Variants in DACH1 observed in about 807,000 individuals in gnomAD.
DACH1 encodes the protein dachshund homolog 1.
In DACH1, 12 loss-of-function variants were observed where a neutral mutation model predicts 54.2. The ratio of observed to expected loss-of-function variants is 0.22; its 90% CI spans 0.14 to 0.36. DACH1 has a LOEUF of 0.36. Ranked by LOEUF, DACH1 falls within the 10% of genes least tolerant of loss-of-function variation. DACH1 has a pLI of 1.00. For missense variants in DACH1, 805 were observed against 929.8 expected (o/e 0.87, Z 1.75); for synonymous variants, 386 against 366.2 (o/e 1.05, Z -0.62).
At position 71,675,038 on chromosome 13, in the gene DACH1, G is replaced by T. The variant is rs529689314; in HGVS notation, c.964+6757C>A. The T allele has an allele frequency of 4.4e-5, 38 of 859,938 alleles. No homozygotes were observed. The Middle Eastern group carries it at 7.5e-4, about 17-fold the overall frequency. 53.3% of individuals were successfully genotyped at this position (859,938 alleles called of 1,614,324 possible). ...CGCCGAGCTCCAGCCGAAGAGAAGG[G>T]GGGTAAGTAAGGAGGTCTCTGTACC... On this transcript the variant is annotated intron_variant, in intron 2 of 10. Transcript: ENST00000613252.
intron 1 of DACH1, among the ~76,000 whole-genome samples, chr13:71,861,060 G>A (rs1874316866): frequency 6.6e-6 from 1 of 151,800 alleles, no homozygotes; most frequent in East Asian, 1.9e-4. Context: ...GGGGGATGCA[G>A]TGAGGCAAAA....
At chr13:71,859,323 C>A (rs1874204622) in intron 1 of DACH1, among the ~76,000 whole-genome samples, 1 of 151,702 alleles carries the variant, frequency 6.6e-6, no homozygotes, top group Non-Finnish European at 1.5e-5. Flanking sequence ...TAAAGGAAAT[C>A]TATGTCCGAA....
At chr13:71,492,747 G>A (rs1439584420) in intron 6 of DACH1, among the ~76,000 whole-genome samples, 2 of 151,266 alleles carry the variant, frequency 1.3e-5, no homozygotes, top group East Asian at 3.9e-4. Flanking sequence ...GTGTGAGTGT[G>A]TGTGTGTGTG....
At chr13:71,499,090 C>T (rs1210823678) in intron 6 of DACH1, among the ~76,000 whole-genome samples, 2 of 149,730 alleles carry the variant, frequency 1.3e-5, no homozygotes, top group Non-Finnish European at 3.0e-5. Context: ...AAGCATTAAA[C>T]ACACACACAT....
At chr13:71,675,093 A>G in intron 2 of DACH1, 4 of 1,560,832 alleles carry the variant, frequency 2.6e-6, no homozygotes, top group Non-Finnish European at 3.5e-6. Context: ...CTGCCCGCAA[A>G]TCGACCGGTG....
rs556260244 is a variant in DACH1 at position 71,440,573 on chromosome 13, T to C, written c.*82A>G. On this transcript the variant is annotated 3_prime_UTR_variant, in exon 11 of 11. Transcript: ENST00000613252. ...TCAGGAAGTTCCCTTAAAAGGACTT[T>C]ATTTTTTTCTGAACTTTCCCATGAC... 1.1e-4 allele frequency: 130 copies of C among 1,141,920 alleles called. No homozygotes were observed. The highest frequency in any genetic ancestry group is 1.5e-4 in the Non-Finnish European group (117 of 785,874). 70.7% of individuals were successfully genotyped at this position (1,141,920 alleles called of 1,614,324 possible).
Position 71,598,077 on chromosome 13 carries a change from C to CAA in DACH1, c.1127-25067_1127-25066dup, listed in dbSNP as rs112426536. The stretch of plus-strand genomic sequence containing the variant: ...TCTGGGCAACAGAGCAAGACCCTGT[C>CAA]AAAAAAAAAAAAAATAGGCAGAAAT... On this transcript the variant is annotated intron_variant, in intron 3 of 10. Coordinates refer to ENST00000613252, the MANE Select transcript of DACH1 (RefSeq NM_080759.6). 1.4e-3 allele frequency among the ~76,000 whole-genome samples: 126 copies of CAA among 89,268 alleles called. 1 individual carries two copies. Among genetic ancestry groups the CAA allele is most frequent in the African/African-American group, 3.4e-3 (100 of 29,742 alleles). 58.6% of individuals were successfully genotyped at this position (89,268 alleles called of 152,430 possible).
At chr13:71,467,287 A>G (rs932282448) in intron 10 of DACH1, among the ~76,000 whole-genome samples, 1 of 142,316 alleles carries the variant, frequency 7.0e-6, no homozygotes. Flanking sequence ...CTCATAGGTG[A>G]GAATTGAACA....
intron 6 of DACH1, among the ~76,000 whole-genome samples, chr13:71,543,921 C>G (rs1883301464): frequency 6.6e-6 from 1 of 152,148 alleles, no homozygotes; most frequent in Non-Finnish European, 1.5e-5. Context: ...GAGTGATTTA[C>G]CACATATCTT....
chr13:71,760,594 T>C (rs1885364285), intron 1 of DACH1, among the ~76,000 whole-genome samples: 1 of 152,182 alleles, frequency 6.6e-6, no homozygotes, highest in Non-Finnish European at 1.5e-5. Flanking sequence ...GGCAATGTCA[T>C]AGAACTCGTT....
intron 2 of DACH1, chr13:71,675,503 T>A (rs1880507544): frequency 7.4e-7 from 1 of 1,346,986 alleles, no homozygotes; most frequent in Non-Finnish European, 9.7e-7. Context: ...AACATTTCAT[T>A]CTCAAAAAAA....
At chr13:71,845,746 C>T (rs1431593916) in intron 1 of DACH1, among the ~76,000 whole-genome samples, 2 of 152,092 alleles carry the variant, frequency 1.3e-5, no homozygotes, top group Non-Finnish European at 2.9e-5. Flanking sequence ...ATCCAGTATC[C>T]TTATGTATTA....
In DACH1 at chr13:71,544,919, G is replaced by T. The variant is rs927709641; in HGVS notation, c.1570+12105C>A. 2.0e-5 allele frequency among the ~76,000 whole-genome samples: 3 copies of T among 151,964 alleles called. No homozygotes were observed. The Admixed American group carries it at 2.0e-4, about 10-fold the overall frequency. On this transcript the variant is annotated intron_variant, in intron 6 of 10. Coordinates refer to ENST00000613252, the MANE Select transcript of DACH1 (RefSeq NM_080759.6). Reference sequence around the variant, plus strand: ...ATTAAACAACCCAGCAAGCAGATCAGATGGAGCACCAGAATGTGACAGCCT... The same window carrying T: ...ATTAAACAACCCAGCAAGCAGATCATATGGAGCACCAGAATGTGACAGCCT...
At chr13:71,583,697 C>T (rs765584832) in intron 3 of DACH1, among the ~76,000 whole-genome samples, 4 of 151,904 alleles carry the variant, frequency 2.6e-5, no homozygotes, top group Non-Finnish European at 5.9e-5. Flanking sequence ...AAAAATTAGC[C>T]GGACATGGTG....
intron 4 of DACH1, among the ~76,000 whole-genome samples, chr13:71,571,938 T>C (rs546877873): frequency 6.6e-6 from 1 of 152,026 alleles, no homozygotes; most frequent in Non-Finnish European, 1.5e-5. Context: ...GGTTTCACCA[T>C]GTTAGCCAGG....
At chr13:71,559,025 A>G (rs763508425) in intron 5 of DACH1, among the ~76,000 whole-genome samples, 1 of 152,106 alleles carries the variant, frequency 6.6e-6, no homozygotes, top group Non-Finnish European at 1.5e-5. Context: ...TCTGGGAATA[A>G]GCAATATATA....
At chr13:71,454,599 T>C (rs915257874) in intron 10 of DACH1, among the ~76,000 whole-genome samples, 13 of 152,108 alleles carry the variant, frequency 8.5e-5, no homozygotes, top group African/African-American at 3.1e-4. Context: ...CTGTGGAGAG[T>C]ACCGTGTGGC....
intron 2 of DACH1, among the ~76,000 whole-genome samples, chr13:71,673,607 T>A (rs1365488817): frequency 6.6e-6 from 1 of 151,662 alleles, no homozygotes; most frequent in Non-Finnish European, 1.5e-5. Flanking sequence ...CCGGTGCCTG[T>A]TGGGGGGTGT....
In DACH1 at chr13:71,816,657, CACGTGTATATATAT is replaced by C. The variant is rs1887960780; in HGVS notation, c.848+49251_848+49264del. Reference sequence around the variant, plus strand: ...ACACACATATGTGTGTATATATATACACGTGTATATATATACACACATATATATATACACATATA... The same window carrying C: ...ACACACATATGTGTGTATATATATACACACACATATATATATACACATATA... On this transcript the variant is annotated intron_variant, in intron 1 of 10. Transcript: ENST00000613252. Among the ~76,000 whole-genome samples the C allele has an allele frequency of 8.9e-4, 20 of 22,354 alleles. 1 individual carries two copies. The highest frequency in any genetic ancestry group is 0.012 in the East Asian group (2 of 168). The allele number at this position is 22,354 out of a possible 152,430, so 14.7% of individuals were successfully genotyped here. A position where few individuals can be genotyped will look rare whatever the true frequency, so the allele number is the denominator to read the frequency against.
Sources: allele counts gnomAD v4.1 joint callset (sites outside exome capture counted in the v4.1 genomes callset), GRCh38; gene constraint gnomAD v4.1.1; transcripts MANE v1.5; gene names NCBI Gene and HGNC (gene_info 2026-07-23, HGNC 2026-07-21).